Variants in TMEM44 observed in about 807,000 individuals in gnomAD.
TMEM44 encodes the protein transmembrane protein 44.
A neutral mutation model predicts 47.8 loss-of-function variants in TMEM44; 43 were observed. The ratio of observed to expected loss-of-function variants is 0.90; its 90% CI spans 0.70 to 1.16. The LOEUF is 1.16. Among genes scored for constraint, TMEM44 ranks in the 50% most tolerant of loss-of-function variants. TMEM44 has a pLI of 0.00. For missense variants in TMEM44, 568 were observed against 555.2 expected (o/e 1.02, Z -0.23); for synonymous variants, 277 against 238.8 (o/e 1.16, Z -1.48).
intron 8 of TMEM44, among the ~76,000 whole-genome samples, chr3:194,607,178 G>A (rs1378166474): frequency 6.6e-6 from 1 of 151,954 alleles, no homozygotes; most frequent in Non-Finnish European, 1.5e-5. Flanking sequence ...AGAACTGCTT[G>A]TTAGAAAGAG....
chr3:194,609,588 G>A (rs1430885516), intron 8 of TMEM44, among the ~76,000 whole-genome samples: 1 of 152,102 alleles, frequency 6.6e-6, no homozygotes, highest in East Asian at 1.9e-4. Flanking sequence ...GACATGGGGT[G>A]AACTTCTCGT....
At chr3:194,620,587 G>A (rs1716414197) in intron 5 of TMEM44, among the ~76,000 whole-genome samples, 2 of 152,310 alleles carry the variant, frequency 1.3e-5, no homozygotes, top group Admixed American at 6.5e-5. Context: ...GGCAGCAACC[G>A]GGAAAATAAA....
intron 9 of TMEM44, among the ~76,000 whole-genome samples, chr3:194,595,036 C>A (rs1197071737): frequency 6.6e-6 from 1 of 152,132 alleles, no homozygotes; most frequent in Non-Finnish European, 1.5e-5. Flanking sequence ...TAGTCTTTTC[C>A]CTGTTTCAAG....
chr3:194,624,467 G>A (rs1466346864), intron 3 of TMEM44, among the ~76,000 whole-genome samples: 1 of 152,006 alleles, frequency 6.6e-6, no homozygotes, highest in African/African-American at 2.4e-5. Context: ...CACCCAGGCT[G>A]GAGTGCAGTG....
rs764563621 is a variant in TMEM44 at position 194,628,492 on chromosome 3, C to T, written c.155G>A (p.Cys52Tyr). The T allele has an allele frequency of 1.2e-6, 2 of 1,613,262 alleles. No homozygotes were observed. Among genetic ancestry groups the T allele is most frequent in the African/African-American group, 1.3e-5 (1 of 75,012 alleles). Residue 52 changes from cysteine (C) to tyrosine (Y), a missense_variant, in exon 2 of 10, where the codon TGT becomes TAT. Coordinates refer to ENST00000347147, the MANE Select transcript of TMEM44 (RefSeq NM_001011655.3). ...CTGGTCCTGTCTGGGTTTCTGTGCA[C>T]ATCTCAGATAGAGAAGCCTGGGGTG... is the stretch of plus-strand genomic sequence containing the variant. ...AAHALLLYLRCAQKPRQDQSA... is the reference protein window; with the variant it reads ...AAHALLLYLRYAQKPRQDQSA...
In TMEM44 at chr3:194,611,460, C is replaced by G. The variant is rs806097; in HGVS notation, c.913-440G>C. Among the ~76,000 whole-genome samples, 152,260 of 152,262 alleles carry G rather than the reference C, an allele frequency of 1. 76,129 individuals are homozygous for G. The highest frequency in any genetic ancestry group is 1 in the Non-Finnish European group (68,032 of 68,032). ...AGCGATCTGGAGTGAAGCTGTGATCCAGGCACTGCATTCCAGCCTAGGGGA... is the reference window on the plus strand; with the variant it reads ...AGCGATCTGGAGTGAAGCTGTGATCGAGGCACTGCATTCCAGCCTAGGGGA... On this transcript the variant is annotated intron_variant, in intron 7 of 9. Transcript: ENST00000347147. The surrounding 1 kb of genome is among the most constrained non-coding windows in gnomAD (Gnocchi z 4.2).
At chr3:194,632,853 C>T in intron 1 of TMEM44, 1 of 745,498 alleles carries the variant, frequency 1.3e-6, no homozygotes, top group Non-Finnish European at 2.0e-6. Flanking sequence ...CCATCCGCTG[C>T]ACCACCCAGC....
chr3:194,616,540 T>C (rs1560184306), intron 6 of TMEM44: 1 of 456,522 alleles, frequency 2.2e-6, no homozygotes, highest in Non-Finnish European at 4.4e-6. Context: ...CTGCCATGCA[T>C]CAAGGGACAC....
Position 194,588,287 on chromosome 3 carries a change from C to T in TMEM44, c.*242G>A. 2.1e-6 allele frequency: 1 copy of T among 481,190 alleles called. No individual in the cohort carries two copies. Among genetic ancestry groups the T allele is most frequent in the South Asian group, 3.3e-5 (1 of 30,426 alleles). 29.8% of individuals were successfully genotyped at this position (481,190 alleles called of 1,614,324 possible). A position where few individuals can be genotyped will look rare whatever the true frequency, so the allele number is the denominator to read the frequency against. On this transcript the variant is annotated 3_prime_UTR_variant, in exon 10 of 10. Coordinates refer to ENST00000347147, the MANE Select transcript of TMEM44 (RefSeq NM_001011655.3). The stretch of plus-strand genomic sequence containing the variant: ...GATTATCTTTACGAAGCAAAAGCTT[C>T]TGTGAACTGTGATCTTCAGAACGAA...
chr3:194,598,831 G>A (rs777185672), intron 9 of TMEM44, among the ~76,000 whole-genome samples: 2 of 152,176 alleles, frequency 1.3e-5, no homozygotes, highest in Non-Finnish European at 2.9e-5. Flanking sequence ...AAATCAGAAA[G>A]GACCATAGAT....
chr3:194,613,364 G>A (rs1285151400), intron 7 of TMEM44, among the ~76,000 whole-genome samples: 1 of 151,524 alleles, frequency 6.6e-6, no homozygotes, highest in Non-Finnish European at 1.5e-5. Flanking sequence ...TTTTAGTAGA[G>A]ACGGAGTTTC....
chr3:194,597,665 A>G (rs1713589061), intron 9 of TMEM44, among the ~76,000 whole-genome samples: 1 of 150,478 alleles, frequency 6.6e-6, no homozygotes, highest in South Asian at 2.1e-4. Flanking sequence ...AAAAAAAAAA[A>G]GAAAAAAGAA....
At position 194,625,972 on chromosome 3, in the gene TMEM44, GGTAGGCACCA is replaced by G; in HGVS notation, c.273_282del (p.Gly92Ter). 1 of 1,613,668 alleles carries G rather than the reference GGTAGGCACCA, an allele frequency of 6.2e-7. No homozygotes were observed. The highest frequency in any genetic ancestry group is 8.5e-7 in the Non-Finnish European group (1 of 1,179,652). ...AAGTTCACTAAGTCAATAGCTGCTA[GGTAGGCACCA>G]GTGAAAACCTGGGAGCAAACGGGAA... On this transcript the variant is annotated frameshift_variant, in exon 3 of 10. Transcript: ENST00000347147. LOFTEE classifies it high-confidence loss of function.
intron 9 of TMEM44, 99 bp downstream of exon 9, chr3:194,604,188 G>A: frequency 3.5e-6 from 5 of 1,435,158 alleles, no homozygotes; most frequent in Non-Finnish European, 4.7e-6. Context: ...GGTTAACGTG[G>A]ATAAGATGAG....
intron 9 of TMEM44, among the ~76,000 whole-genome samples, chr3:194,590,720 G>C (rs562290813): frequency 1.3e-5 from 2 of 152,282 alleles, no homozygotes; most frequent in South Asian, 4.1e-4. Context: ...CCCCTGGGTA[G>C]GGGGTAGAGA....
At chr3:194,598,553 C>T (rs1487738950) in intron 9 of TMEM44, among the ~76,000 whole-genome samples, 1 of 152,204 alleles carries the variant, frequency 6.6e-6, no homozygotes, top group East Asian at 1.9e-4. Context: ...GTCCCAGTCT[C>T]CTGACTCAGG....
chr3:194,612,251 GCT>G (rs1209299867), intron 7 of TMEM44, among the ~76,000 whole-genome samples: 1 of 152,026 alleles, frequency 6.6e-6, no homozygotes, highest in Non-Finnish European at 1.5e-5. Flanking sequence ...GACACACAGG[GCT>G]CTGTTAATAT....
At chr3:194,629,284 G>A (rs1177823610) in intron 1 of TMEM44, among the ~76,000 whole-genome samples, 1 of 152,224 alleles carries the variant, frequency 6.6e-6, no homozygotes, top group Non-Finnish European at 1.5e-5. Flanking sequence ...TAAACCATCT[G>A]TGAAGTGGGG....
chr3:194,628,153 G>C (rs1322094449), intron 2 of TMEM44, among the ~76,000 whole-genome samples: 2 of 152,206 alleles, frequency 1.3e-5, no homozygotes, highest in Non-Finnish European at 2.9e-5. Flanking sequence ...CTGGCCGTGA[G>C]AAGTGACTTT....
Sources: gnomAD v4.1 joint callset for allele counts (sites outside exome capture counted in the v4.1 genomes callset) on GRCh38, gnomAD v4.1.1 for gene constraint, Gnocchi (gnomAD v3.1) non-coding constraint, MANE v1.5 for transcripts, NCBI Gene and HGNC (gene_info 2026-07-23, HGNC 2026-07-21) for gene names.